The following POU5F1 variants were observed in gnomAD, a reference collection of about 807,000 sequenced individuals.
POU5F1 encodes the protein POU domain, class 5, transcription factor 1.
Under a neutral mutation model 38.3 loss-of-function variants are expected in POU5F1, and 6 were observed. The observed-to-expected ratio is 0.16, with a 90% CI of 0.09 to 0.31. The LOEUF is 0.31. Ranked by LOEUF, POU5F1 falls within the 10% of genes least tolerant of loss-of-function variation. POU5F1 has a pLI of 1.00. For synonymous variants in POU5F1, 147 were observed against 194.9 expected, an observed-to-expected ratio of 0.75 and a Z score of 2.05; for missense variants, 286 against 462.6, an observed-to-expected ratio of 0.62 and a Z score of 3.50.
chr6:31,170,594 G>A lies in POU5F1; in HGVS notation c.27C>T (p.Phe9=), dbSNP rs1265160. The A allele has an allele frequency of 0.13, 203,419 of 1,560,906 alleles. 14,651 individuals are homozygous for A. The highest frequency in any genetic ancestry group is 0.3 in the East Asian group (12,803 of 42,374). The change falls in exon 1 of 5, where the codon TTC becomes TTT. Residue 9 remains phenylalanine, a synonymous_variant. Coordinates refer to ENST00000259915, the MANE Select transcript of POU5F1 (RefSeq NM_002701.6). MAGHLASD[F]AFSPPPGGGG... is the part of the protein sequence containing the mutation. ...CACCACCTGGAGGGGGCGAGAAGGC[G>A]AAATCCGAAGCCAGGTGTCCCGCCA... is the stretch of plus-strand genomic sequence containing the variant.
intron 1 of POU5F1, chr6:31,169,938 C>CCAGA (rs9281239): frequency 0.34 from 194,472 of 574,968 alleles, 34,257 homozygotes; most frequent in African/African-American, 0.42. Context: ...AAGGGCTGGG[C>CCAGA]CAGAGCAAAG....
chr6:31,165,643 C>T lies in POU5F1; in HGVS notation c.585G>A (p.Lys195=). 6.2e-7 allele frequency: 1 copy of T among 1,614,066 alleles called. No homozygotes were observed. Residue 195 remains lysine (K), a synonymous_variant, in exon 3 of 5, where the codon AAG becomes AAA. Transcript: ENST00000259915. The surrounding 1 kb of genome is among the most constrained non-coding windows in gnomAD (Gnocchi z 6.5). Reference sequence around the variant, plus strand: ...GCAAGGGCCGCAGCTTACACATGTTCTTGAAGCTAAGCTGCAGAGCCTCAA... The same window carrying T: ...GCAAGGGCCGCAGCTTACACATGTTTTTGAAGCTAAGCTGCAGAGCCTCAA... The part of the protein sequence containing the change: ...CRFEALQLSF[K]NMCKLRPLLQ...
In POU5F1 at chr6:31,170,272, C is replaced by T. The variant is rs182726472; in HGVS notation, c.349G>A (p.Val117Ile). Residue 117 changes from valine (V) to isoleucine (I), a missense_variant, in exon 1 of 5, where the codon GTC becomes ATC. Around this residue, in one of 2 missense-constraint regions of POU5F1, gnomAD observed 176 missense variants for 184.8 expected, o/e 0.95. Coordinates refer to ENST00000259915, the MANE Select transcript of POU5F1 (RefSeq NM_002701.6). ...SDGASPEPCT[V>I]TPGAVKLEKE... ...TCCAGCTTCACGGCACCAGGGGTGACGGTGCAGGGCTCCGGGGAGGCCCCA... is the reference window on the plus strand; with the variant it reads ...TCCAGCTTCACGGCACCAGGGGTGATGGTGCAGGGCTCCGGGGAGGCCCCA... 1.2e-5 allele frequency: 19 copies of T among 1,612,786 alleles called. No individual in the cohort carries two copies. Among genetic ancestry groups the T allele is most frequent in the African/African-American group, 2.7e-5 (2 of 74,938 alleles).
At chr6:31,166,913 T>C (rs1777308361) in intron 1 of POU5F1, 1 of 1,296,492 alleles carries the variant, frequency 7.7e-7, no homozygotes, top group Non-Finnish European at 1.0e-6. Flanking sequence ...ACAGGTGTCA[T>C]AAGAATGGAT....
chr6:31,169,984 C>A, intron 1 of POU5F1: 1 of 668,262 alleles, frequency 1.5e-6, no homozygotes, highest in Non-Finnish European at 2.5e-6. Context: ...TCCCAGGCTG[C>A]TCTGCCCTCA....
At position 31,169,893 on chromosome 6, in the gene POU5F1, C is replaced by T. The variant is rs545639696; in HGVS notation, c.405+323G>A. ...CTGGGCCAGTAATGAGTGACCAGAC[C>T]CTGGGCAGGCCTAGGAGATGTGAGA... On this transcript the variant is annotated intron_variant, in intron 1 of 4. Coordinates refer to ENST00000259915, the MANE Select transcript of POU5F1 (RefSeq NM_002701.6). 120 of 481,674 alleles carry T rather than the reference C, an allele frequency of 2.5e-4. 3 individuals are homozygous for T. The South Asian group carries it at 3.2e-3, about 13-fold the overall frequency. The allele number at this position is 481,674 out of a possible 1,614,324, so 29.8% of individuals were successfully genotyped here.
At position 31,164,401 on chromosome 6, in the gene POU5F1, G is replaced by A; in HGVS notation, c.*200C>T. The A allele has an allele frequency of 9.1e-7, 1 of 1,102,514 alleles. No homozygotes were observed. The highest frequency in any genetic ancestry group is 1.3e-6 in the Non-Finnish European group (1 of 782,212). 68.3% of individuals were successfully genotyped at this position (1,102,514 alleles called of 1,614,324 possible). ...AAGAAAAAAGTGATACATGATGTGG[G>A]ATTAAAATCAAGAGCATCATTGAAC... On this transcript the variant is annotated 3_prime_UTR_variant, in exon 5 of 5. Coordinates refer to ENST00000259915, the MANE Select transcript of POU5F1 (RefSeq NM_002701.6).
At chr6:31,166,311 G>A (rs754865454) in intron 1 of POU5F1, 19 of 1,493,714 alleles carry the variant, frequency 1.3e-5, no homozygotes, top group Middle Eastern at 1.7e-4. Context: ...GCAGAGCATC[G>A]TGAAAGGACA....
rs751745427 is a variant in POU5F1 at position 31,166,015 on chromosome 6, G to A, written c.438C>T (p.Leu146=). ...SQDIKALQKE[L]EQFAKLLKQK... Reference sequence around the variant, plus strand: ...GCTTCAGGAGCTTGGCAAATTGCTCGAGTTCTTTCTGCAGAGCTTTGATGT... The same window carrying A: ...GCTTCAGGAGCTTGGCAAATTGCTCAAGTTCTTTCTGCAGAGCTTTGATGT... The change falls in exon 2 of 5, where the codon CTC becomes CTT. Residue 146 remains leucine, a synonymous_variant. Transcript: ENST00000259915. 3.7e-6 allele frequency: 6 copies of A among 1,614,214 alleles called. No homozygotes were observed. The highest frequency in any genetic ancestry group is 5.1e-6 in the Non-Finnish European group (6 of 1,180,048).
Position 31,166,149 on chromosome 6 carries a change from A to G in POU5F1, c.406-102T>C, listed in dbSNP as rs1300240387. 5 of 1,612,778 alleles carry G rather than the reference A, an allele frequency of 3.1e-6. No homozygotes were observed. The African/African-American group carries it at 4.0e-5, about 13-fold the overall frequency. On this transcript the variant is annotated intron_variant, in intron 1 of 4. Transcript: ENST00000259915. ...AAGAACCTACGTGTGGCCCCAAGGA[A>G]TAGTCTGTAGAAGTGCCTCTGCCTT...
Position 31,170,287 on chromosome 6 carries a change from G to A in POU5F1, c.334C>T (p.Pro112Ser), listed in dbSNP as rs1362741749. 1.9e-6 allele frequency: 3 copies of A among 1,612,864 alleles called. No homozygotes were observed. The highest frequency in any genetic ancestry group is 8.5e-7 in the Non-Finnish European group (1 of 1,179,834). Residue 112 changes from proline to serine, a missense_variant, in exon 1 of 5, where the codon CCG becomes TCG. By Grantham distance (74) the Pro-to-Ser change is moderately conservative. Around this residue, in one of 2 missense-constraint regions of POU5F1, gnomAD observed 176 missense variants for 184.8 expected, o/e 0.95. Transcript: ENST00000259915. ...GVESNSDGAS[P>S]EPCTVTPGAV... ...CCAGGGGTGACGGTGCAGGGCTCCGGGGAGGCCCCATCGGAGTTGCTCTCC... is the reference window on the plus strand; with the variant it reads ...CCAGGGGTGACGGTGCAGGGCTCCGAGGAGGCCCCATCGGAGTTGCTCTCC...
chr6:31,165,912 C>T lies in POU5F1; in HGVS notation c.526+15G>A. The stretch of plus-strand genomic sequence containing the variant: ...AGAGGGGAGATGCGGTCAGAATCTG[C>T]AGAGGGGAACCCACCAAATAGAACC... On this transcript the variant is annotated intron_variant, in intron 2 of 4. Transcript: ENST00000259915. This position sits in a 1 kb window ranked among gnomAD's most constrained non-coding sequence, Gnocchi z 6.5. The T allele has an allele frequency of 6.2e-7, 1 of 1,613,972 alleles. No individual in the cohort carries two copies. Among genetic ancestry groups the T allele is most frequent in the Non-Finnish European group, 8.5e-7 (1 of 1,179,972 alleles).
rs1278772997 is a variant in POU5F1 at position 31,170,542 on chromosome 6, G to C, written c.79C>G (p.Pro27Ala). 2 of 1,575,398 alleles carry C rather than the reference G, an allele frequency of 1.3e-6. No homozygotes were observed. Among genetic ancestry groups the C allele is most frequent in the Admixed American group, 1.8e-5 (1 of 54,212 alleles). ...CAGGTCCGAGGATCAACCCAGCCCGGCTCCGGCCCCCCTGGCCCATCACCT... is the reference window on the plus strand; with the variant it reads ...CAGGTCCGAGGATCAACCCAGCCCGCCTCCGGCCCCCCTGGCCCATCACCT... ...GGGDGPGGPEPGWVDPRTWLS... is the reference protein window; with the variant it reads ...GGGDGPGGPEAGWVDPRTWLS... The change falls in exon 1 of 5, where the codon CCG becomes GCG. Residue 27 changes from proline (P) to alanine (A), a missense_variant. By Grantham distance (27) the Pro-to-Ala change is conservative (BLOSUM62 -1). Coordinates refer to ENST00000259915, the MANE Select transcript of POU5F1 (RefSeq NM_002701.6).
intron 1 of POU5F1, among the ~76,000 whole-genome samples, chr6:31,167,562 G>A (rs1777362492): frequency 6.6e-6 from 1 of 152,024 alleles, no homozygotes; most frequent in African/African-American, 2.4e-5. Flanking sequence ...ACAAAAATTA[G>A]CTGGGCATCA....
chr6:31,166,745 G>T, intron 1 of POU5F1: 1 of 1,179,402 alleles, frequency 8.5e-7, no homozygotes, highest in Non-Finnish European at 1.1e-6. Flanking sequence ...GATGTTTTGA[G>T]ATTAGAGAAA....
At chr6:31,169,974 T>A in intron 1 of POU5F1, 1 of 637,140 alleles carries the variant, frequency 1.6e-6, no homozygotes, top group South Asian at 2.0e-5. Context: ...CTTCCGACTC[T>A]CCCAGGCTGC....
chr6:31,170,610 T>G lies in POU5F1; in HGVS notation c.11A>C (p.His4Pro), dbSNP rs752015029. 44 of 1,554,354 alleles carry G rather than the reference T, an allele frequency of 2.8e-5. No individual in the cohort carries two copies. The highest frequency in any genetic ancestry group is 3.6e-5 in the Non-Finnish European group (41 of 1,149,740). ...CGAGAAGGCGAAATCCGAAGCCAGG[T>G]GTCCCGCCATGGGGAAGGAAGGCGC... MAG[H>P]LASDFAFSPP... Residue 4 changes from histidine (H) to proline (P), a missense_variant, in exon 1 of 5, where the codon CAC becomes CCC. By Grantham distance (77) the His-to-Pro change is moderately conservative. This residue lies in a region of POU5F1 where 176 missense variants were observed against 184.8 expected (regional missense o/e 0.95). Coordinates refer to ENST00000259915, the MANE Select transcript of POU5F1 (RefSeq NM_002701.6).
chr6:31,166,812 G>T, intron 1 of POU5F1: 1 of 1,187,884 alleles, frequency 8.4e-7, no homozygotes, highest in Non-Finnish European at 1.1e-6. Context: ...TGTCTCAGAA[G>T]CTAAATTCAG....
In POU5F1 at chr6:31,164,367, T is replaced by G; in HGVS notation, c.*234A>C. ...GTGTCTATCTACTGTGTCCCAGGCT[T>G]CTTTATTTAAGAAAAAAGTGATACA... On this transcript the variant is annotated 3_prime_UTR_variant, in exon 5 of 5. Coordinates refer to ENST00000259915, the MANE Select transcript of POU5F1 (RefSeq NM_002701.6). 8.7e-7 allele frequency: 1 copy of G among 1,147,746 alleles called. No homozygotes were observed. Among genetic ancestry groups the G allele is most frequent in the Non-Finnish European group, 1.2e-6 (1 of 826,866 alleles). The allele number at this position is 1,147,746 out of a possible 1,614,324, so 71.1% of individuals were successfully genotyped here. A position where few individuals can be genotyped will look rare whatever the true frequency, so the allele number is the denominator to read the frequency against.
Sources: allele counts gnomAD v4.1 joint callset (sites outside exome capture counted in the v4.1 genomes callset), GRCh38; gene constraint gnomAD v4.1.1; regional missense constraint gnomAD v4.1.1; non-coding constraint Gnocchi (gnomAD v3.1); transcripts MANE v1.5; gene names NCBI Gene and HGNC (gene_info 2026-07-23, HGNC 2026-07-21).